The following PRKD1 variants were observed in gnomAD, a reference collection of about 807,000 sequenced individuals.
PRKD1 encodes serine/threonine-protein kinase D1.
PRKD1 carries 63 observed loss-of-function variants against 95.9 expected under a neutral mutation model. The observed-to-expected ratio is 0.66, with a 90% confidence interval of 0.54 to 0.81. The LOEUF (loss-of-function observed/expected upper bound fraction) is 0.81, where lower values mean the gene tolerates loss of function less well. Among genes scored for constraint, PRKD1 ranks in the 30% least tolerant of loss-of-function variants. The pLI is 0.00. For synonymous variants in PRKD1, 425 were observed against 423.1 expected (o/e 1.00, Z -0.05); for missense variants, 1,048 against 1,165.3 (o/e 0.90, Z 1.47).
chr14:29,805,625 T>C (rs550349433), intron 1 of PRKD1, among the ~76,000 whole-genome samples: 7 of 152,314 alleles, frequency 4.6e-5, no homozygotes, highest in Middle Eastern at 3.4e-3. Flanking sequence ...AGCATCTCTA[T>C]GAGGTGGGAA....
chr14:29,749,477 C>G (rs999134796), intron 1 of PRKD1, among the ~76,000 whole-genome samples: 10 of 152,160 alleles, frequency 6.6e-5, no homozygotes, highest in Admixed American at 1.3e-4. Context: ...TTCCTACCAA[C>G]ATTTTGGAGT....
chr14:29,763,250 T>C (rs1888086316), intron 1 of PRKD1, among the ~76,000 whole-genome samples: 1 of 148,374 alleles, frequency 6.7e-6, no homozygotes, highest in African/African-American at 2.5e-5. Context: ...TGAGCTGTGA[T>C]TGTGCCCCTG....
At chr14:29,799,246 T>A (rs1401420686) in intron 1 of PRKD1, among the ~76,000 whole-genome samples, 1 of 152,252 alleles carries the variant, frequency 6.6e-6, no homozygotes, top group Non-Finnish European at 1.5e-5. Flanking sequence ...GTAATTGTTT[T>A]AACATGGTTA....
intron 2 of PRKD1, among the ~76,000 whole-genome samples, chr14:29,676,466 C>A (rs1035587955): frequency 6.6e-6 from 1 of 151,984 alleles, no homozygotes; most frequent in Non-Finnish European, 1.5e-5. Context: ...GCGATTCTCC[C>A]GCCTCAGCGT....
At chr14:29,702,752 C>A (rs991376301) in intron 2 of PRKD1, among the ~76,000 whole-genome samples, 3 of 152,048 alleles carry the variant, frequency 2.0e-5, no homozygotes, top group Non-Finnish European at 4.4e-5. Context: ...GTAATTAATT[C>A]ATTACTTCTA....
intron 1 of PRKD1, among the ~76,000 whole-genome samples, chr14:29,895,721 G>C (rs1894101640): frequency 6.6e-6 from 1 of 152,054 alleles, no homozygotes; most frequent in African/African-American, 2.4e-5. Flanking sequence ...TGCACTGACT[G>C]TTCTTTCTGC....
In PRKD1 at chr14:29,598,915, A is replaced by C. The variant is rs1187220470; in HGVS notation, c.2166+112T>G. On this transcript the variant is annotated intron_variant, in intron 15 of 17. Transcript: ENST00000331968. Reference sequence around the variant, plus strand: ...ACAAATGAATAAAAATGGATAGAAAACACTTGAAACAAATAAAGGTTTTAA... The same window carrying C: ...ACAAATGAATAAAAATGGATAGAAACCACTTGAAACAAATAAAGGTTTTAA... 3.3e-6 allele frequency: 3 copies of C among 918,374 alleles called. No homozygotes were observed. The East Asian group carries it at 7.4e-5, about 23-fold the overall frequency. 56.9% of individuals were successfully genotyped at this position (918,374 alleles called of 1,614,324 possible). A position where few individuals can be genotyped will look rare whatever the true frequency, so the allele number is the denominator to read the frequency against.
chr14:29,661,686 C>G (rs899304456), intron 4 of PRKD1, among the ~76,000 whole-genome samples: 1 of 152,112 alleles, frequency 6.6e-6, no homozygotes, highest in Non-Finnish European at 1.5e-5. Flanking sequence ...TTCTGAGAAC[C>G]AGTGTGTCAA....
chr14:29,631,965 C>T (rs1362785103), intron 9 of PRKD1, among the ~76,000 whole-genome samples: 1 of 151,746 alleles, frequency 6.6e-6, no homozygotes, highest in Admixed American at 6.6e-5. Context: ...TCACGACTGG[C>T]TAATTTGTGT....
intron 9 of PRKD1, 117 bp from the exon 10 acceptor site, chr14:29,631,138 A>T (rs1025503071): frequency 6.8e-6 from 7 of 1,022,966 alleles, no homozygotes; most frequent in African/African-American, 6.5e-5. Flanking sequence ...TTTAAATAAA[A>T]TACTTTTAAA....
rs1881620062 is a variant in PRKD1 at position 29,653,213 on chromosome 14, T to C, written c.696+10486A>G. Among the ~76,000 whole-genome samples, 3 of 152,168 alleles carry C rather than the reference T, an allele frequency of 2.0e-5. No homozygotes were observed. In the South Asian group the frequency reaches 6.2e-4, roughly 32 times the overall value. On this transcript the variant is annotated intron_variant, in intron 4 of 17. Transcript: ENST00000331968. The stretch of plus-strand genomic sequence containing the variant: ...TAAACTGAATATTGTCCGGATTGCA[T>C]AAAATTAAAGGATATAAAATGGTCA...
At chr14:29,787,855 T>C (rs1889345960) in intron 1 of PRKD1, among the ~76,000 whole-genome samples, 1 of 152,188 alleles carries the variant, frequency 6.6e-6, no homozygotes, top group Non-Finnish European at 1.5e-5. Flanking sequence ...TATTGATAGA[T>C]GAGTTTCTGT....
chr14:29,663,788 T>C lies in PRKD1; in HGVS notation c.607A>G (p.Arg203Gly). ...CCAGTGAGGGAAACGTTTGAGAGCC[T>C]TCTCCGCCTCACACCGCTGCAATTG... is the stretch of plus-strand genomic sequence containing the variant. ...PNNCSGVRRR[R>G]LSNVSLTGVS... The change falls in exon 4 of 18, where the codon AGG becomes GGG. Residue 203 changes from arginine (R) to glycine (G), a missense_variant. Transcript: ENST00000331968. 6 of 1,614,062 alleles carry C rather than the reference T, an allele frequency of 3.7e-6. No individual in the cohort carries two copies. The highest frequency in any genetic ancestry group is 5.1e-6 in the Non-Finnish European group (6 of 1,179,952).
At chr14:29,578,174 A>G in intron 17 of PRKD1, 101 bp downstream of exon 17, 1 of 900,042 alleles carries the variant, frequency 1.1e-6, no homozygotes, top group African/African-American at 1.7e-5. Context: ...ATATTAGAAT[A>G]ATCACACTTT....
chr14:29,927,448 GC>G lies in PRKD1; in HGVS notation c.64del (p.Ala22GlnfsTer36). The G allele has an allele frequency of 7.6e-7, 1 of 1,320,120 alleles. No individual in the cohort carries two copies. Among genetic ancestry groups the G allele is most frequent in the South Asian group, 2.1e-5 (1 of 47,732 alleles). 81.8% of individuals were successfully genotyped at this position (1,320,120 alleles called of 1,614,324 possible). A position where few individuals can be genotyped will look rare whatever the true frequency, so the allele number is the denominator to read the frequency against. ...PLLPVAAAAA[A>X]AAAALVPGSG... is the part of the protein sequence containing the mutation. Reference sequence around the variant, plus strand: ...CCCTGGGACCAGTGCGGCGGCCGCTGCGGCAGCTGCCGCCGCCACGGGCAGC... The same window carrying G: ...CCCTGGGACCAGTGCGGCGGCCGCTGGGCAGCTGCCGCCGCCACGGGCAGC... On this transcript the variant is annotated frameshift_variant, in exon 1 of 18. Coordinates refer to ENST00000331968, the MANE Select transcript of PRKD1 (RefSeq NM_002742.3). LOFTEE classifies it high-confidence loss of function.
intron 1 of PRKD1, among the ~76,000 whole-genome samples, chr14:29,745,776 C>T (rs1037783494): frequency 3.9e-5 from 6 of 152,054 alleles, no homozygotes; most frequent in Non-Finnish European, 7.4e-5. Flanking sequence ...TGCACCCAGC[C>T]CATTTTTTAA....
chr14:29,738,440 G>T (rs1886828574), intron 1 of PRKD1, among the ~76,000 whole-genome samples: 1 of 152,070 alleles, frequency 6.6e-6, no homozygotes, highest in African/African-American at 2.4e-5. Flanking sequence ...CGAAGATAGG[G>T]CTTTGCTATC....
At chr14:29,777,176 G>C (rs1213400177) in intron 1 of PRKD1, among the ~76,000 whole-genome samples, 1 of 152,154 alleles carries the variant, frequency 6.6e-6, no homozygotes, top group East Asian at 1.9e-4. Flanking sequence ...ACTGGTACCA[G>C]CCACTGCAAA....
intron 2 of PRKD1, among the ~76,000 whole-genome samples, chr14:29,683,772 T>C (rs1448411472): frequency 1.3e-5 from 2 of 152,248 alleles, no homozygotes; most frequent in Non-Finnish European, 2.9e-5. Context: ...GCAGGCCCTA[T>C]GTTAAACACT....
Sources: gnomAD v4.1 joint callset for allele counts (sites outside exome capture counted in the v4.1 genomes callset) on GRCh38, gnomAD v4.1.1 for gene constraint, MANE v1.5 for transcripts, NCBI Gene and HGNC (gene_info 2026-07-23, HGNC 2026-07-21) for gene names.